Variants in ARHGAP24 observed in about 807,000 individuals in gnomAD.
The protein encoded by ARHGAP24 is Rho GTPase activating protein 24.
ARHGAP24 carries 50 observed loss-of-function variants against 76.4 expected under a neutral mutation model. That is an observed-to-expected ratio of 0.65 (90% CI 0.52 to 0.83). ARHGAP24 has a LOEUF of 0.83. Ranked by LOEUF, ARHGAP24 falls within the 40% of genes least tolerant of loss-of-function variation. The pLI is 0.00. For synonymous variants in ARHGAP24, 345 were observed against 323.3 expected (o/e 1.07, Z -0.72); for missense variants, 930 against 914.2 (o/e 1.02, Z -0.22).
At chr4:85,704,803 T>G (rs958477911) in intron 2 of ARHGAP24, among the ~76,000 whole-genome samples, 2 of 152,166 alleles carry the variant, frequency 1.3e-5, no homozygotes, top group African/African-American at 4.8e-5. Context: ...GTACCGTATC[T>G]GGCATATAGT....
In ARHGAP24 at chr4:85,908,865, A is replaced by C. The variant is rs550293841; in HGVS notation, c.269-14783A>C. 5.9e-5 allele frequency among the ~76,000 whole-genome samples: 9 copies of C among 152,260 alleles called. No individual in the cohort carries two copies. The East Asian group carries it at 1.7e-3, about 29-fold the overall frequency. On this transcript the variant is annotated intron_variant, in intron 3 of 9. Transcript: ENST00000395184. The stretch of plus-strand genomic sequence containing the variant: ...GCTTTCTCAGATAATTAAAAAGAAA[A>C]AAAAAAAGAAAGCCTTAATGGAAAC...
At chr4:85,811,965 C>T (rs1729033113) in intron 3 of ARHGAP24, among the ~76,000 whole-genome samples, 2 of 152,242 alleles carry the variant, frequency 1.3e-5, no homozygotes, top group East Asian at 3.9e-4. Flanking sequence ...CACCTAAGGT[C>T]AGGAGTTTGA....
At chr4:85,503,117 T>C (rs1354400184) in intron 1 of ARHGAP24, among the ~76,000 whole-genome samples, 2 of 152,232 alleles carry the variant, frequency 1.3e-5, no homozygotes, top group African/African-American at 4.8e-5. Context: ...GGATTCAGTT[T>C]GCCAGTTTTT....
At chr4:85,637,670 A>G (rs760711030) in intron 2 of ARHGAP24, among the ~76,000 whole-genome samples, 1 of 152,106 alleles carries the variant, frequency 6.6e-6, no homozygotes, top group Non-Finnish European at 1.5e-5. Context: ...AATATTTTCA[A>G]TACATAATGA....
intron 2 of ARHGAP24, among the ~76,000 whole-genome samples, chr4:85,585,728 C>G (rs370009580): frequency 6.6e-6 from 1 of 152,230 alleles, no homozygotes; most frequent in Admixed American, 6.5e-5. Context: ...GTAAGTTAGG[C>G]TTCAGAGCTT....
intron 2 of ARHGAP24, among the ~76,000 whole-genome samples, chr4:85,684,743 C>A (rs1290437733): frequency 6.6e-6 from 1 of 152,168 alleles, no homozygotes; most frequent in East Asian, 1.9e-4. Context: ...TGCCCTTAAG[C>A]TTCTTGAAAG....
intron 2 of ARHGAP24, among the ~76,000 whole-genome samples, chr4:85,625,797 A>G (rs1181063703): frequency 2.6e-5 from 4 of 152,034 alleles, no homozygotes; most frequent in Admixed American, 2.0e-4. Flanking sequence ...AGCTCTTCTT[A>G]TTAATTGATC....
chr4:85,833,192 G>A (rs944514016), intron 3 of ARHGAP24, among the ~76,000 whole-genome samples: 1 of 152,114 alleles, frequency 6.6e-6, no homozygotes, highest in African/African-American at 2.4e-5. Context: ...TCTGGTATCT[G>A]CAGATTTCTG....
chr4:85,731,057 G>A (rs527989625), intron 3 of ARHGAP24, among the ~76,000 whole-genome samples: 33 of 151,280 alleles, frequency 2.2e-4, no homozygotes, highest in African/African-American at 6.8e-4. Context: ...GTGTGTGTGT[G>A]TATATATACA....
intron 2 of ARHGAP24, among the ~76,000 whole-genome samples, chr4:85,693,420 C>T (rs926498097): frequency 1.5e-4 from 23 of 152,324 alleles, no homozygotes; most frequent in Non-Finnish European, 2.6e-4. Context: ...CCACAGACCC[C>T]CATGTCTCAC....
At chr4:85,833,869 A>G (rs1730124351) in intron 3 of ARHGAP24, among the ~76,000 whole-genome samples, 3 of 152,244 alleles carry the variant, frequency 2.0e-5, no homozygotes, top group Non-Finnish European at 4.4e-5. Flanking sequence ...GATTTTAAAT[A>G]TCAGAAATAT....
intron 2 of ARHGAP24, among the ~76,000 whole-genome samples, chr4:85,580,804 A>G (rs1727576025): frequency 6.6e-6 from 1 of 152,170 alleles, no homozygotes; most frequent in Admixed American, 6.5e-5. Context: ...TTCTGGCCAC[A>G]GTGATCGTAT....
chr4:85,894,973 AAAAAAAAAAAAAAAAC>A (rs1734067495), intron 3 of ARHGAP24, among the ~76,000 whole-genome samples: 3 of 39,040 alleles, frequency 7.7e-5, no homozygotes, highest in Admixed American at 5.3e-4. Context: ...AAAAAAAAAA[AAAAAAAAAAAAAAAAC>A]AAAACAAAAA....
intron 2 of ARHGAP24, among the ~76,000 whole-genome samples, chr4:85,619,751 A>G (rs769909285): frequency 6.6e-6 from 1 of 151,772 alleles, no homozygotes; most frequent in South Asian, 2.1e-4. Context: ...TTTTTCCGGT[A>G]GTTTATTGTT....
intron 3 of ARHGAP24, among the ~76,000 whole-genome samples, chr4:85,798,040 T>A (rs1189967037): frequency 6.9e-6 from 1 of 144,038 alleles, no homozygotes; most frequent in Non-Finnish European, 1.5e-5. Context: ...GTCATCCAGC[T>A]TAGTCAAATC....
chr4:85,583,705 C>A (rs1727708795), intron 2 of ARHGAP24, among the ~76,000 whole-genome samples: 1 of 149,418 alleles, frequency 6.7e-6, no homozygotes, highest in African/African-American at 2.5e-5. Flanking sequence ...TGACAAAGGG[C>A]TAATATCCAG....
chr4:85,686,209 A>T (rs1339867158), intron 2 of ARHGAP24, among the ~76,000 whole-genome samples: 6 of 152,154 alleles, frequency 3.9e-5, no homozygotes, highest in Non-Finnish European at 8.8e-5. Flanking sequence ...CAAGTACCCA[A>T]CTCTTAATGG....
intron 3 of ARHGAP24, among the ~76,000 whole-genome samples, chr4:85,803,203 A>C (rs1162477382): frequency 1.3e-5 from 2 of 152,214 alleles, no homozygotes; most frequent in Admixed American, 6.5e-5. Flanking sequence ...AAAATATTAC[A>C]TTGGGTCTGG....
intron 3 of ARHGAP24, among the ~76,000 whole-genome samples, chr4:85,794,213 A>G (rs1393184066): frequency 6.6e-6 from 1 of 152,232 alleles, no homozygotes; most frequent in African/African-American, 2.4e-5. Flanking sequence ...CCAACAGCCG[A>G]ATGGGGGCTG....
Sources: gnomAD v4.1 joint callset for allele counts (sites outside exome capture counted in the v4.1 genomes callset) on GRCh38, gnomAD v4.1.1 for gene constraint, MANE v1.5 for transcripts, NCBI Gene and HGNC (gene_info 2026-07-23, HGNC 2026-07-21) for gene names.